Variants in AP4E1 observed in about 807,000 individuals in gnomAD.
The protein encoded by AP4E1 is AP-4 complex subunit epsilon-1.
AP4E1 carries 56 observed loss-of-function variants against 128.2 expected under a neutral mutation model. The ratio of observed to expected loss-of-function variants is 0.44; its 90% CI spans 0.35 to 0.55. The LOEUF is 0.55. Among genes scored for constraint, AP4E1 ranks in the 20% least tolerant of loss-of-function variants. The pLI is 0.00. For missense variants in AP4E1, 1,324 were observed against 1,307.7 expected, an observed-to-expected ratio of 1.01 and a Z score of -0.19; for synonymous variants, 484 against 473.1, an observed-to-expected ratio of 1.02 and a Z score of -0.30.
intron 1 of AP4E1, 23 bp from the exon 2 acceptor site, chr15:50,912,054 AT>A (rs2141126226): frequency 1.3e-6 from 2 of 1,576,248 alleles, no homozygotes; most frequent in South Asian, 2.2e-5. Context: ...TTAATCAAGC[AT>A]TTAAATATTT....
At chr15:50,957,763 G>C (rs2064249041) in intron 13 of AP4E1, among the ~76,000 whole-genome samples, 1 of 138,386 alleles carries the variant, frequency 7.2e-6, no homozygotes, top group South Asian at 2.2e-4. Flanking sequence ...TGCAACATCT[G>C]CCTCCCAGGT....
At chr15:50,979,631 TCTC>T (rs1263430570) in intron 15 of AP4E1, among the ~76,000 whole-genome samples, 1 of 152,104 alleles carries the variant, frequency 6.6e-6, no homozygotes. Context: ...TTCAAGCAAT[TCTC>T]CTGTCTCAGC....
Position 50,936,939 on chromosome 15 carries a change from C to CAA in AP4E1, c.943+2253_943+2254dup, listed in dbSNP as rs534584746. On this transcript the variant is annotated intron_variant, in intron 8 of 20. Transcript: ENST00000261842. ...TTTGCTACATAGCAAGACTCTGTCTCAAAAAAAAAAAATGATTGCTTGAAC... is the reference window on the plus strand; with the variant it reads ...TTTGCTACATAGCAAGACTCTGTCTCAAAAAAAAAAAAAATGATTGCTTGAAC... 2.2e-3 allele frequency among the ~76,000 whole-genome samples: 322 copies of CAA among 144,198 alleles called. 2 individuals are homozygous for CAA. Among genetic ancestry groups the CAA allele is most frequent in the African/African-American group, 7.8e-3 (312 of 39,914 alleles). 94.6% of individuals were successfully genotyped at this position (144,198 alleles called of 152,430 possible).
chr15:50,910,718 C>T (rs2063556706), intron 1 of AP4E1, among the ~76,000 whole-genome samples: 1 of 152,190 alleles, frequency 6.6e-6, no homozygotes, highest in Non-Finnish European at 1.5e-5. Context: ...TGCAGTGGTG[C>T]AATCTTGGCT....
In AP4E1 at chr15:50,930,828, C is replaced by T. The variant is rs1400216360; in HGVS notation, c.726C>T (p.Asp242=). ...AGGAGAATTCATCTGGATATAAAGA[C>T]TTGACTGGGAGTTTTGTAACCATTT... ...MIKENSSGYK[D]LTGSFVTILK... is the part of the protein sequence containing the mutation. Residue 242 remains aspartate (D), a synonymous_variant, in exon 7 of 21, where the codon GAC becomes GAT. Coordinates refer to ENST00000261842, the MANE Select transcript of AP4E1 (RefSeq NM_007347.5). 1 of 1,613,990 alleles carries T rather than the reference C, an allele frequency of 6.2e-7. No individual in the cohort carries two copies. The highest frequency in any genetic ancestry group is 8.5e-7 in the Non-Finnish European group (1 of 1,179,998).
intron 15 of AP4E1, among the ~76,000 whole-genome samples, 176 bp from the exon 16 acceptor site, chr15:50,983,846 C>G (rs552109758): frequency 6.6e-6 from 1 of 152,190 alleles, no homozygotes; most frequent in African/African-American, 2.4e-5. Flanking sequence ...TAGACATTTA[C>G]CAAATGGTAG....
intron 3 of AP4E1, among the ~76,000 whole-genome samples, chr15:50,918,855 A>G (rs772681238): frequency 6.6e-6 from 1 of 152,162 alleles, no homozygotes; most frequent in African/African-American, 2.4e-5. Context: ...TGGATGTACC[A>G]TAGTTTTTTC....
intron 16 of AP4E1, among the ~76,000 whole-genome samples, chr15:50,987,166 AT>A: frequency 6.6e-6 from 1 of 152,186 alleles, no homozygotes; most frequent in South Asian, 2.1e-4. Flanking sequence ...CCCCTTTATC[AT>A]TTTTTATTGC....
rs1362907852 is a variant in AP4E1 at position 50,963,312 on chromosome 15, C to G, written c.1851+4518C>G. On this transcript the variant is annotated intron_variant, in intron 14 of 20. Transcript: ENST00000261842. ...CTGCACCCCCATGTTCACTGCAGTA[C>G]TATTCACAATAGCCAAAATGTGGAA... 2.6e-4 allele frequency among the ~76,000 whole-genome samples: 40 copies of G among 152,204 alleles called. 1 individual carries two copies. The highest frequency in any genetic ancestry group is 2.6e-3 in the Admixed American group (40 of 15,284).
intron 8 of AP4E1, among the ~76,000 whole-genome samples, chr15:50,940,573 TGTACTA>T (rs1294501702): frequency 6.6e-6 from 1 of 152,200 alleles, no homozygotes; most frequent in African/African-American, 2.4e-5. Context: ...TACTTCAACT[TGTACTA>T]GAACAGTTTT....
chr15:50,984,210 T>C, intron 16 of AP4E1, 65 bp downstream of exon 16: 1 of 1,577,686 alleles, frequency 6.3e-7, no homozygotes, highest in South Asian at 1.1e-5. Flanking sequence ...GCGTTCCATT[T>C]GCCTTCTGCT....
At chr15:50,950,264 G>A in intron 13 of AP4E1, 95 bp downstream of exon 13, 2 of 833,166 alleles carry the variant, frequency 2.4e-6, no homozygotes, top group South Asian at 1.7e-5. Context: ...GCTTTACTCA[G>A]CTAACTCCTT....
At chr15:50,992,213 A>T (rs145198088) in intron 16 of AP4E1, among the ~76,000 whole-genome samples, 1 of 152,148 alleles carries the variant, frequency 6.6e-6, no homozygotes, top group South Asian at 2.1e-4. Context: ...TAAAATATAT[A>T]TAGATACTAG....
chr15:50,929,856 A>G (rs1413436199), intron 6 of AP4E1, among the ~76,000 whole-genome samples: 1 of 152,144 alleles, frequency 6.6e-6, no homozygotes, highest in Non-Finnish European at 1.5e-5. Flanking sequence ...CTAAAATTTG[A>G]AAGAGCTTTA....
At chr15:50,986,187 T>C (rs1595573499) in intron 16 of AP4E1, among the ~76,000 whole-genome samples, 1 of 148,486 alleles carries the variant, frequency 6.7e-6, no homozygotes, top group South Asian at 2.2e-4. Flanking sequence ...AAGTTGCTTA[T>C]CAGCTTAAGG....
intron 8 of AP4E1, among the ~76,000 whole-genome samples, chr15:50,935,651 A>G (rs2063898915): frequency 6.6e-6 from 1 of 152,296 alleles, no homozygotes; most frequent in East Asian, 1.9e-4. Flanking sequence ...TTAATCTGGT[A>G]AAATATCATG....
At chr15:50,921,597 T>G (rs1478448315) in intron 3 of AP4E1, among the ~76,000 whole-genome samples, 27 of 152,048 alleles carry the variant, frequency 1.8e-4, no homozygotes, top group Admixed American at 1.8e-3. Flanking sequence ...GTGATCCGCC[T>G]GCCTCAGCCT....
At chr15:50,940,124 A>C (rs1372401229) in intron 8 of AP4E1, among the ~76,000 whole-genome samples, 4 of 152,186 alleles carry the variant, frequency 2.6e-5, no homozygotes, top group African/African-American at 4.8e-5. Flanking sequence ...TCAATTGACT[A>C]AGGTTCTCTT....
At chr15:50,995,586 A>T (rs1012161645) in intron 17 of AP4E1, among the ~76,000 whole-genome samples, 20 of 151,960 alleles carry the variant, frequency 1.3e-4, no homozygotes, top group Admixed American at 1.3e-3. Context: ...GGGTTTCACC[A>T]TGTTGGCCAG....
Sources: allele counts gnomAD v4.1 joint callset (sites outside exome capture counted in the v4.1 genomes callset), GRCh38; gene constraint gnomAD v4.1.1; transcripts MANE v1.5; gene names NCBI Gene and HGNC (gene_info 2026-07-23, HGNC 2026-07-21).